The following SLC26A11 variants were observed in gnomAD, a reference collection of about 807,000 sequenced individuals.
SLC26A11 encodes the protein solute carrier family 26 member 11.
Under a neutral mutation model 62.2 loss-of-function variants are expected in SLC26A11, and 58 were observed. The ratio of observed to expected loss-of-function variants is 0.93; its 90% CI spans 0.76 to 1.16. SLC26A11 has a LOEUF of 1.16. Among genes scored for constraint, SLC26A11 ranks in the 50% most tolerant of loss-of-function variants. SLC26A11 has a pLI of 0.00. For synonymous variants in SLC26A11, 411 were observed against 368.9 expected, an observed-to-expected ratio of 1.11 and a Z score of -1.31; for missense variants, 790 against 794.3, an observed-to-expected ratio of 0.99 and a Z score of 0.06.
chr17:80,252,664 A>G lies in SLC26A11; in HGVS notation c.1769A>G (p.Asn590Ser). Reference protein sequence around the residue: ...LRQEPGTQPYNIREDSILDQK... With the variant: ...LRQEPGTQPYSIREDSILDQK... Reference sequence around the variant, plus strand: ...CAGGAGCCAGGGACCCAGCCCTACAACATCAGAGAAGACTCCATTCTGGAC... The same window carrying G: ...CAGGAGCCAGGGACCCAGCCCTACAGCATCAGAGAAGACTCCATTCTGGAC... Residue 590 changes from asparagine (N) to serine (S), a missense_variant, in exon 18 of 18, where the codon AAC (asparagine) becomes AGC (serine). Coordinates refer to ENST00000361193, the MANE Select transcript of SLC26A11 (RefSeq NM_001166347.2). This position sits in a 1 kb window ranked among gnomAD's most constrained non-coding sequence, Gnocchi z 5.2. 6.2e-7 allele frequency: 1 copy of G among 1,614,018 alleles called. No homozygotes were observed. Among genetic ancestry groups the G allele is most frequent in the Non-Finnish European group, 8.5e-7 (1 of 1,179,986 alleles).
In SLC26A11 at chr17:80,236,942, G is replaced by A. The variant is rs1277553526; in HGVS notation, c.751G>A (p.Val251Met). The part of the protein sequence containing the change: ...WAATTARNAL[V>M]VSFAALVAYS... ...TTCTCTCCTAGCTCGCAACGCCCTG[G>A]TGGTCTCCTTCGCAGCCCTGGTTGC... The change falls in exon 8 of 18, where the codon GTG (valine) becomes ATG (methionine). Residue 251 changes from valine (V) to methionine (M), a missense_variant. Val to Met is a conservative substitution (Grantham distance 21). Transcript: ENST00000361193. 1.2e-6 allele frequency: 2 copies of A among 1,612,954 alleles called. No homozygotes were observed. The highest frequency in any genetic ancestry group is 1.7e-6 in the Non-Finnish European group (2 of 1,179,048).
rs138654152 is a variant in SLC26A11 at position 80,222,577 on chromosome 17, C to T, written c.235-78C>T. The stretch of plus-strand genomic sequence containing the variant: ...GGACACAGCTGACACCCACACATCC[C>T]GAGCTTGGACACGCACACTAGGGAG... On this transcript the variant is annotated intron_variant, in intron 3 of 17. Coordinates refer to ENST00000361193, the MANE Select transcript of SLC26A11 (RefSeq NM_001166347.2). The surrounding 1 kb of genome is among the most constrained non-coding windows in gnomAD (Gnocchi z 4.7). 2,292 of 1,450,966 alleles carry T rather than the reference C, an allele frequency of 1.6e-3. 10 individuals are homozygous for T. The Middle Eastern group carries it at 0.017, about 11-fold the overall frequency. The allele number at this position is 1,450,966 out of a possible 1,614,324, so 89.9% of individuals were successfully genotyped here.
chr17:80,249,731 C>A (rs1326887939), intron 16 of SLC26A11, among the ~76,000 whole-genome samples: 2 of 149,728 alleles, frequency 1.3e-5, no homozygotes, highest in African/African-American at 4.9e-5. Context: ...CATGGTGAAA[C>A]CCCGTCTCTA....
chr17:80,230,085 C>A (rs1464686488), intron 7 of SLC26A11, among the ~76,000 whole-genome samples: 2 of 151,264 alleles, frequency 1.3e-5, no homozygotes, highest in African/African-American at 4.9e-5. Flanking sequence ...ATCCCAGCTA[C>A]TTGGGAGGCT....
rs1200687182 is a variant in SLC26A11, at chr17:80,246,694, G to A, written c.1294+45G>A. 2 of 1,588,942 alleles carry A rather than the reference G, an allele frequency of 1.3e-6. No homozygotes were observed. The highest frequency in any genetic ancestry group is 2.3e-5 in the East Asian group (1 of 43,680). On this transcript the variant is annotated intron_variant, in intron 13 of 17. Transcript: ENST00000361193. This position sits in a 1 kb window ranked among gnomAD's most constrained non-coding sequence, Gnocchi z 4.4. ...GGGAGAGCGCTGTGATGCGGTGTCT[G>A]AACGCGGAGGGTGTCATTTATGCTA...
chr17:80,244,430 C>T (rs2042942679), intron 10 of SLC26A11, among the ~76,000 whole-genome samples: 1 of 152,200 alleles, frequency 6.6e-6, no homozygotes, highest in African/African-American at 2.4e-5. Context: ...TAGGGTTTGT[C>T]TTACGGGCAC....
In SLC26A11 at chr17:80,248,122, TCTC is replaced by T. The variant is rs776900703; in HGVS notation, c.1295-5_1295-3del. On this transcript the variant is annotated splice_polypyrimidine_tract_variant and splice_region_variant and intron_variant, in intron 13 of 17. Coordinates refer to ENST00000361193, the MANE Select transcript of SLC26A11 (RefSeq NM_001166347.2). ...GCCGGGCATTCCTCAGCTGTGCCCTTCTCCTAGGGCTGGACCTGCTGCCCCTGT... is the reference window on the plus strand; with the variant it reads ...GCCGGGCATTCCTCAGCTGTGCCCTTCTAGGGCTGGACCTGCTGCCCCTGT... 1.3e-6 allele frequency: 2 copies of T among 1,598,962 alleles called. No individual in the cohort carries two copies. Among genetic ancestry groups the T allele is most frequent in the South Asian group, 1.1e-5 (1 of 90,554 alleles).
intron 6 of SLC26A11, among the ~76,000 whole-genome samples, chr17:80,227,189 C>T (rs2144888742): frequency 6.6e-6 from 1 of 152,280 alleles, no homozygotes; most frequent in South Asian, 2.1e-4. Flanking sequence ...AGCTGATGAG[C>T]TACAAAAAAA....
intron 14 of SLC26A11, 101 bp from the exon 15 acceptor site, chr17:80,248,474 G>A (rs1344472063): frequency 2.2e-6 from 3 of 1,349,444 alleles, no homozygotes; most frequent in East Asian, 5.0e-5. Flanking sequence ...CCGGTCCCCT[G>A]CAGCACACTA....
chr17:80,248,240 G>T lies in SLC26A11; in HGVS notation c.1405G>T (p.Ala469Ser). 1.2e-6 allele frequency: 2 copies of T among 1,609,038 alleles called. No homozygotes were observed. The highest frequency in any genetic ancestry group is 1.1e-5 in the South Asian group (1 of 90,624). Reference sequence around the variant, plus strand: ...TCTGCTCATGCTCCTGCACTCTGCAGCCAGGCCTGAGACCAAGGTACCCCT... The same window carrying T: ...TCTGCTCATGCTCCTGCACTCTGCATCCAGGCCTGAGACCAAGGTACCCCT... Reference protein sequence around the residue: ...VSLLMLLHSAARPETKVSEGP... With the variant: ...VSLLMLLHSASRPETKVSEGP... The change falls in exon 14 of 18, where the codon GCC becomes TCC. Residue 469 changes from alanine (A) to serine (S), a missense_variant. By Grantham distance (99) the Ala-to-Ser change is moderately conservative. Coordinates refer to ENST00000361193, the MANE Select transcript of SLC26A11 (RefSeq NM_001166347.2).
Position 80,222,004 on chromosome 17 carries a change from GC to G in SLC26A11, c.234+212del. 1.7e-6 allele frequency: 1 copy of G among 571,888 alleles called. No homozygotes were observed. Among genetic ancestry groups the G allele is most frequent in the Non-Finnish European group, 3.0e-6 (1 of 333,028 alleles). The allele number at this position is 571,888 out of a possible 1,614,324, so 35.4% of individuals were successfully genotyped here. On this transcript the variant is annotated intron_variant, in intron 3 of 17. Transcript: ENST00000361193. This position sits in a 1 kb window ranked among gnomAD's most constrained non-coding sequence, Gnocchi z 4.7. ...CAGACACTGAGCTGGTTATGGAGGGGCCAGCGAGATGACTCATGGAGGCCTC... is the reference window on the plus strand; with the variant it reads ...CAGACACTGAGCTGGTTATGGAGGGGCAGCGAGATGACTCATGGAGGCCTC...
chr17:80,243,956 A>C (rs1200255432), intron 10 of SLC26A11, among the ~76,000 whole-genome samples: 1 of 152,200 alleles, frequency 6.6e-6, no homozygotes, highest in Non-Finnish European at 1.5e-5. Flanking sequence ...CTGTAGAATG[A>C]GGATGATCCC....
chr17:80,223,208 G>A lies in SLC26A11; in HGVS notation c.428-44G>A. ...ACATCTCCCCTCATCCTCTGGGACT[G>A]GGTGGAGCCGGGACCAGCTCGATGT... is the stretch of plus-strand genomic sequence containing the variant. On this transcript the variant is annotated intron_variant, in intron 4 of 17. Coordinates refer to ENST00000361193, the MANE Select transcript of SLC26A11 (RefSeq NM_001166347.2). The surrounding 1 kb of genome is among the most constrained non-coding windows in gnomAD (Gnocchi z 4.6). 1 of 1,568,026 alleles carries A rather than the reference G, an allele frequency of 6.4e-7. No homozygotes were observed. Among genetic ancestry groups the A allele is most frequent in the Non-Finnish European group, 8.8e-7 (1 of 1,139,130 alleles).
intron 7 of SLC26A11, among the ~76,000 whole-genome samples, chr17:80,236,040 T>C (rs1319237883): frequency 6.6e-6 from 1 of 152,192 alleles, no homozygotes; most frequent in Non-Finnish European, 1.5e-5. Flanking sequence ...ATTTAGCCCT[T>C]TACAGAAAAC....
intron 14 of SLC26A11, 46 bp from the exon 15 acceptor site, chr17:80,248,529 A>G: frequency 6.5e-7 from 1 of 1,528,496 alleles, no homozygotes; most frequent in South Asian, 1.2e-5. Flanking sequence ...AGCCTGGTGG[A>G]GGCCACCCGG....
At position 80,246,391 on chromosome 17, in the gene SLC26A11, A is replaced by G; in HGVS notation, c.1154-118A>G. On this transcript the variant is annotated intron_variant, in intron 12 of 17. Coordinates refer to ENST00000361193, the MANE Select transcript of SLC26A11 (RefSeq NM_001166347.2). This position sits in a 1 kb window ranked among gnomAD's most constrained non-coding sequence, Gnocchi z 4.4. ...CTGAGCAGGGGCTGGGGGCCTTGGC[A>G]GTCGTCGCCCTACCCCCACCCCTGT... 6.8e-7 allele frequency: 1 copy of G among 1,463,088 alleles called. No individual in the cohort carries two copies. Among genetic ancestry groups the G allele is most frequent in the Non-Finnish European group, 9.2e-7 (1 of 1,086,826 alleles). The allele number at this position is 1,463,088 out of a possible 1,614,324, so 90.6% of individuals were successfully genotyped here. A position where few individuals can be genotyped will look rare whatever the true frequency, so the allele number is the denominator to read the frequency against.
rs199553922 is a variant in SLC26A11 at position 80,249,137 on chromosome 17, C to A, written c.1523-17C>A. The A allele has an allele frequency of 1.2e-6, 2 of 1,600,386 alleles. No homozygotes were observed. The highest frequency in any genetic ancestry group is 1.7e-6 in the Non-Finnish European group (2 of 1,178,322). ...CTGCTCTGGGTGGCGTGACCTGGCT[C>A]GGGCCTGTCTCCCCAGTGTCCCCGC... On this transcript the variant is annotated splice_polypyrimidine_tract_variant and intron_variant, in intron 15 of 17. Transcript: ENST00000361193.
At chr17:80,241,703 A>G in intron 9 of SLC26A11, 68 bp from the exon 10 acceptor site, 1 of 1,507,414 alleles carries the variant, frequency 6.6e-7, no homozygotes, top group Non-Finnish European at 9.2e-7. Context: ...TCTGTGTTAC[A>G]TTTTGTGAAT....
intron 7 of SLC26A11, among the ~76,000 whole-genome samples, chr17:80,232,117 T>C (rs2042581115): frequency 6.6e-6 from 1 of 152,208 alleles, no homozygotes; most frequent in South Asian, 2.1e-4. Context: ...TGTTTTTTAG[T>C]ATAAAAACAT....
Sources: allele counts gnomAD v4.1 joint callset (sites outside exome capture counted in the v4.1 genomes callset), GRCh38; gene constraint gnomAD v4.1.1; non-coding constraint Gnocchi (gnomAD v3.1); transcripts MANE v1.5; gene names NCBI Gene and HGNC (gene_info 2026-07-23, HGNC 2026-07-21).